The following NRG1 variants were observed in gnomAD, a reference collection of about 807,000 sequenced individuals.
The protein encoded by NRG1 is pro-neuregulin-1, membrane-bound isoform.
NRG1 carries 18 observed loss-of-function variants against 63.8 expected under a neutral mutation model. The observed-to-expected ratio is 0.28, with a 90% CI of 0.19 to 0.42. The LOEUF (loss-of-function observed/expected upper bound fraction) is 0.42. Ranked by LOEUF, NRG1 falls within the 10% of genes least tolerant of loss-of-function variation. The probability of loss-of-function intolerance (pLI) is 1.00; values close to 1 mark genes in which losing one functional copy is unlikely to be tolerated. For synonymous variants in NRG1, 302 were observed against 301.3 expected (o/e 1.00, Z -0.02); for missense variants, 762 against 814.7 (o/e 0.94, Z 0.79).
At chr8:31,982,682 A>G (rs934846775) in intron 1 of NRG1, among the ~76,000 whole-genome samples, 2 of 152,126 alleles carry the variant, frequency 1.3e-5, no homozygotes, top group Non-Finnish European at 2.9e-5. Flanking sequence ...TAAATTGAGC[A>G]GGGAATCACA....
At chr8:32,649,286 G>A (rs1449553454) in intron 5 of NRG1, among the ~76,000 whole-genome samples, 5 of 151,656 alleles carry the variant, frequency 3.3e-5, no homozygotes, top group African/African-American at 1.2e-4. Flanking sequence ...TTTGCATTGC[G>A]TAATTGCAAT....
chr8:32,443,685 T>C (rs2129487592), intron 1 of NRG1, among the ~76,000 whole-genome samples: 1 of 152,348 alleles, frequency 6.6e-6, no homozygotes, highest in African/African-American at 2.4e-5. Flanking sequence ...TGCATTTTTC[T>C]CCTACAATAG....
intron 1 of NRG1, among the ~76,000 whole-genome samples, chr8:32,175,570 T>C (rs2132054235): frequency 6.6e-6 from 1 of 152,304 alleles, no homozygotes; most frequent in African/African-American, 2.4e-5. Flanking sequence ...CATGATTGTA[T>C]ATCTAGAAAA....
chr8:32,713,938 C>T (rs1818505800), intron 5 of NRG1, among the ~76,000 whole-genome samples: 2 of 151,790 alleles, frequency 1.3e-5, no homozygotes, highest in Admixed American at 1.3e-4. Context: ...AATTCTCCTG[C>T]CTCAGCCTCC....
intron 1 of NRG1, among the ~76,000 whole-genome samples, chr8:32,045,178 G>T (rs931432442): frequency 3.3e-5 from 5 of 151,834 alleles, no homozygotes; most frequent in Non-Finnish European, 7.4e-5. Context: ...GTTTATTTAT[G>T]TATAATAGCA....
intron 1 of NRG1, among the ~76,000 whole-genome samples, chr8:32,310,932 A>G (rs865979431): frequency 5.9e-5 from 9 of 152,182 alleles, no homozygotes; most frequent in South Asian, 4.1e-4. Context: ...ATCTTGGTTC[A>G]CTCAACTAAT....
In NRG1 at chr8:32,742,017, T is replaced by G. The variant is rs889230009; in HGVS notation, c.633-658T>G. On this transcript the variant is annotated intron_variant, in intron 6 of 11. Coordinates refer to ENST00000356819, the Ensembl canonical transcript of NRG1. The surrounding 1 kb of genome is among the most constrained non-coding windows in gnomAD (Gnocchi z 4.2). Reference sequence around the variant, plus strand: ...CATTTTTGCCCTCTAGGTGCCAACCTGGATTCACTGGAGCAAGATGTACTG... The same window carrying G: ...CATTTTTGCCCTCTAGGTGCCAACCGGGATTCACTGGAGCAAGATGTACTG... 1 of 1,613,594 alleles carries G rather than the reference T, an allele frequency of 6.2e-7. No homozygotes were observed. The highest frequency in any genetic ancestry group is 1.7e-5 in the Admixed American group (1 of 59,970).
rs141979592 is a variant in NRG1 at position 32,636,660 on chromosome 8, C to T, written c.502+19775C>T. 7.7e-3 allele frequency among the ~76,000 whole-genome samples: 1,178 copies of T among 152,050 alleles called. 6 individuals are homozygous for T. Among genetic ancestry groups the T allele is most frequent in the Middle Eastern group, 0.024 (7 of 294 alleles). On this transcript the variant is annotated intron_variant, in intron 5 of 11. Transcript: ENST00000356819. ...ATAGATGTTCTAATTCCCCAGGGAT[C>T]GAAGTATAGCATTAAGGAAAATCCC...
At chr8:32,677,914 T>C (rs2128909523) in intron 5 of NRG1, among the ~76,000 whole-genome samples, 1 of 152,266 alleles carries the variant, frequency 6.6e-6, no homozygotes, top group Middle Eastern at 3.4e-3. Flanking sequence ...CACTTTCCTA[T>C]ATCAAGTGTA....
At chr8:31,923,516 G>A (rs1449675610) in intron 1 of NRG1, among the ~76,000 whole-genome samples, 1 of 152,146 alleles carries the variant, frequency 6.6e-6, no homozygotes, top group Non-Finnish European at 1.5e-5. Context: ...GGAAGAGATT[G>A]TGTATGATTG....
chr8:31,740,158 A>G (rs925665839), intron 1 of NRG1, among the ~76,000 whole-genome samples: 1 of 152,098 alleles, frequency 6.6e-6, no homozygotes, highest in African/African-American at 2.4e-5. Flanking sequence ...TAGGCAATGC[A>G]AAGACTTTTA....
intron 11 of NRG1, 172 bp downstream of exon 11, chr8:32,760,578 T>G: frequency 1.8e-5 from 26 of 1,424,166 alleles, no homozygotes; most frequent in South Asian, 1.2e-4. Context: ...ACGGAACTTA[T>G]TTCTTCTGAG....
intron 1 of NRG1, among the ~76,000 whole-genome samples, chr8:32,174,482 T>A (rs1281423192): frequency 1.3e-5 from 2 of 151,650 alleles, no homozygotes; most frequent in African/African-American, 4.9e-5. Context: ...ATAACTAAGA[T>A]CAGAGCAGAA....
chr8:31,852,319 T>C (rs1330422386), intron 1 of NRG1, among the ~76,000 whole-genome samples: 9 of 150,160 alleles, frequency 6.0e-5, no homozygotes, highest in African/African-American at 1.7e-4. Context: ...TGTGAGATGG[T>C]ATCTCATTGT....
rs780496777 is a variant in NRG1, at chr8:31,934,420, C to CTCTTTTTTTTTTTTTTTTTTTT, written c.37+294990_37+294991insCTTTTTTTTTTTTTTTTTTTTT. Among the ~76,000 whole-genome samples, 2 of 108,062 alleles carry CTCTTTTTTTTTTTTTTTTTTTT rather than the reference C, an allele frequency of 1.9e-5. 1 individual carries two copies. 70.9% of individuals were successfully genotyped at this position (108,062 alleles called of 152,430 possible). A position where few individuals can be genotyped will look rare whatever the true frequency, so the allele number is the denominator to read the frequency against. ...ATACACACACCCCTTTATTCGCTCTCTTTTTTTTTTTTTTTTTTTTTTTAG... is the reference window on the plus strand; with the variant it reads ...ATACACACACCCCTTTATTCGCTCTCTCTTTTTTTTTTTTTTTTTTTTTTTTTTTTTTTTTTTTTTTTTTTAG... On this transcript the variant is annotated intron_variant, in intron 1 of 10. Transcript: ENST00000519301.
Position 31,640,412 on chromosome 8 carries a change from G to A in NRG1, c.37+981G>A, listed in dbSNP as rs913880282. On this transcript the variant is annotated intron_variant, in intron 1 of 10. Transcript: ENST00000519301. This position sits in a 1 kb window ranked among gnomAD's most constrained non-coding sequence, Gnocchi z 6.3. Reference sequence around the variant, plus strand: ...GCCGCCAACGGGACCGTGCCCTCTTGGCCCACCGCCCCGGTGCCCAGCGCC... The same window carrying A: ...GCCGCCAACGGGACCGTGCCCTCTTAGCCCACCGCCCCGGTGCCCAGCGCC... 16 of 1,486,034 alleles carry A rather than the reference G, an allele frequency of 1.1e-5. No homozygotes were observed. The Admixed American group carries it at 2.7e-4, about 25-fold the overall frequency. The allele number at this position is 1,486,034 out of a possible 1,614,324, so 92.1% of individuals were successfully genotyped here.
At chr8:31,864,963 C>T (rs1001233507) in intron 1 of NRG1, among the ~76,000 whole-genome samples, 3 of 152,130 alleles carry the variant, frequency 2.0e-5, no homozygotes, top group African/African-American at 7.2e-5. Context: ...GCTACGTTCA[C>T]CTACATCTTA....
At chr8:32,754,770 T>C (rs1391984412) in intron 8 of NRG1, among the ~76,000 whole-genome samples, 1 of 152,096 alleles carries the variant, frequency 6.6e-6, no homozygotes, top group Non-Finnish European at 1.5e-5. Flanking sequence ...TGGGACAGAA[T>C]GAAGGCACCT....
intron 5 of NRG1, among the ~76,000 whole-genome samples, chr8:32,632,873 A>G (rs1204135125): frequency 1.3e-5 from 2 of 152,238 alleles, no homozygotes; most frequent in South Asian, 4.1e-4. Context: ...TGACATGCCA[A>G]TGATTTTGCA....
Sources: gnomAD v4.1 joint callset for allele counts (sites outside exome capture counted in the v4.1 genomes callset) on GRCh38, gnomAD v4.1.1 for gene constraint, Gnocchi (gnomAD v3.1) non-coding constraint, MANE v1.5 for transcripts, NCBI Gene and HGNC (gene_info 2026-07-23, HGNC 2026-07-21) for gene names.